Variants in IL1RAPL1 observed in about 807,000 individuals in gnomAD.
IL1RAPL1 encodes interleukin 1 receptor accessory protein like 1.
Under a neutral mutation model 48.4 loss-of-function variants are expected in IL1RAPL1, and 3 were observed. The ratio of observed to expected loss-of-function variants is 0.06; its 90% CI spans 0.03 to 0.16. IL1RAPL1 has a LOEUF of 0.16. IL1RAPL1 is among the 10% of genes least tolerant of loss of function. The pLI, the probability that IL1RAPL1 is intolerant of heterozygous loss-of-function variation, is 1.00. For missense variants in IL1RAPL1, 349 were observed against 530.6 expected (o/e 0.66, Z 3.36); for synonymous variants, 185 against 187.7 (o/e 0.99, Z 0.12).
rs191462651 is a variant in IL1RAPL1, at chrX:29,489,948, G to A, written c.703+90640G>A. Among the ~76,000 whole-genome samples the A allele has an allele frequency of 2.7e-5, 3 of 111,641 alleles. No homozygotes were observed. The East Asian group carries it at 8.4e-4, about 31-fold the overall frequency. On this transcript the variant is annotated intron_variant, in intron 5 of 10. Coordinates refer to ENST00000378993, the MANE Select transcript of IL1RAPL1 (RefSeq NM_014271.4). ...TATTACCTTTTTAGAGCTAACTTCT[G>A]TGACCAACACAGTTAAAGAAGTTCA... is the stretch of plus-strand genomic sequence containing the variant.
intron 6 of IL1RAPL1, among the ~76,000 whole-genome samples, chrX:29,790,090 T>C (rs1273032332): frequency 9.0e-6 from 1 of 111,484 alleles, no homozygotes; most frequent in East Asian, 2.8e-4. Flanking sequence ...TAAAGCAAAT[T>C]AGTGTCAACG....
intron 2 of IL1RAPL1, among the ~76,000 whole-genome samples, chrX:29,128,355 C>T (rs756718188): frequency 1.9e-4 from 21 of 111,235 alleles, no homozygotes; most frequent in South Asian, 7.7e-4. Flanking sequence ...TCACACCTCA[C>T]AGTCAGCTTT....
chrX:29,825,185 G>A (rs183455487), intron 6 of IL1RAPL1, among the ~76,000 whole-genome samples: 3 of 110,473 alleles, frequency 2.7e-5, no homozygotes, highest in East Asian at 5.7e-4. Flanking sequence ...TTAGTGAGCC[G>A]GGTACCCTGA....
chrX:29,300,475 C>A lies in IL1RAPL1; in HGVS notation c.362+17258C>A, dbSNP rs189953121. 4.3e-3 allele frequency among the ~76,000 whole-genome samples: 488 copies of A among 112,235 alleles called. 2 individuals are homozygous for A. The highest frequency in any genetic ancestry group is 0.015 in the African/African-American group (461 of 30,934). Reference sequence around the variant, plus strand: ...TTACTGTTTGAGAGTTTTTTTAGTGCAAACTATTTACCTCTTAGGCTAAAT... The same window carrying A: ...TTACTGTTTGAGAGTTTTTTTAGTGAAAACTATTTACCTCTTAGGCTAAAT... On this transcript the variant is annotated intron_variant, in intron 3 of 10. Transcript: ENST00000378993.
chrX:28,982,309 T>C lies in IL1RAPL1; in HGVS notation c.82+192884T>C, dbSNP rs1209515492. 2.7e-5 allele frequency among the ~76,000 whole-genome samples: 3 copies of C among 112,145 alleles called. No individual in the cohort carries two copies. In the South Asian group the frequency reaches 1.1e-3, roughly 41 times the overall value. On this transcript the variant is annotated intron_variant, in intron 2 of 10. Transcript: ENST00000378993. ...TTGCTGTAATCATCTGTGAGAAAGC[T>C]CCTCTGGAACCCACCAATGGGCACT...
intron 4 of IL1RAPL1, among the ~76,000 whole-genome samples, chrX:29,397,173 C>T (rs1013355628): frequency 8.9e-6 from 1 of 111,834 alleles, no homozygotes; most frequent in Non-Finnish European, 1.9e-5. Context: ...TGTGAACATT[C>T]TTCCAGAATA....
chrX:29,700,880 G>T (rs774407168), intron 6 of IL1RAPL1, among the ~76,000 whole-genome samples: 6 of 111,670 alleles, frequency 5.4e-5, no homozygotes, highest in Admixed American at 1.9e-4. Flanking sequence ...TTTTAAAATA[G>T]CTGAACTTTT....
chrX:29,459,780 G>A (rs1011804128), intron 5 of IL1RAPL1, among the ~76,000 whole-genome samples: 9 of 111,644 alleles, frequency 8.1e-5, no homozygotes, highest in African/African-American at 2.9e-4. Context: ...AACACATAAA[G>A]TCTACTCTAA....
At chrX:29,135,301 A>G (rs534243030) in intron 2 of IL1RAPL1, among the ~76,000 whole-genome samples, 3 of 112,061 alleles carry the variant, frequency 2.7e-5, no homozygotes, top group African/African-American at 9.7e-5. Context: ...GATGTAGTTT[A>G]ACATAATCTC....
intron 2 of IL1RAPL1, among the ~76,000 whole-genome samples, chrX:28,944,827 A>G (rs1461151231): frequency 1.8e-5 from 2 of 109,350 alleles, no homozygotes; most frequent in African/African-American, 3.3e-5. Flanking sequence ...ATGGTTTTCC[A>G]TCTTGCTCAA....
chrX:29,519,012 T>C (rs893522931), intron 5 of IL1RAPL1, among the ~76,000 whole-genome samples: 7 of 111,446 alleles, frequency 6.3e-5, no homozygotes, highest in Non-Finnish European at 1.1e-4. Context: ...TGTCTTAAAA[T>C]ATGCATATAC....
intron 2 of IL1RAPL1, among the ~76,000 whole-genome samples, chrX:29,049,201 T>G (rs1435552503): frequency 8.9e-6 from 1 of 112,299 alleles, no homozygotes; most frequent in African/African-American, 3.2e-5. Context: ...TCAGACCGTT[T>G]TATTGGCCTG....
At chrX:29,402,706 T>G (rs1317006063) in intron 5 of IL1RAPL1, among the ~76,000 whole-genome samples, 1 of 111,694 alleles carries the variant, frequency 9.0e-6, no homozygotes, top group South Asian at 3.7e-4. Flanking sequence ...TTGTTTCTGT[T>G]CCAGGATCCC....
intron 2 of IL1RAPL1, among the ~76,000 whole-genome samples, chrX:29,036,092 G>A (rs1926726342): frequency 8.9e-6 from 1 of 111,859 alleles, no homozygotes; most frequent in Non-Finnish European, 1.9e-5. Flanking sequence ...GAGAAGACTT[G>A]AGACAGAAGC....
intron 1 of IL1RAPL1, among the ~76,000 whole-genome samples, chrX:28,649,922 A>G (rs1029588800): frequency 1.8e-5 from 2 of 111,662 alleles, no homozygotes. Flanking sequence ...CTTAACCACA[A>G]GTTTCCCACG....
At chrX:29,872,075 C>T in intron 6 of IL1RAPL1, among the ~76,000 whole-genome samples, 1 of 111,620 alleles carries the variant, frequency 9.0e-6, no homozygotes. Flanking sequence ...TCCCTCCTTG[C>T]AAATTTGTTC....
chrX:29,677,320 G>A (rs1305374249), intron 6 of IL1RAPL1, among the ~76,000 whole-genome samples: 1 of 111,917 alleles, frequency 8.9e-6, no homozygotes, highest in African/African-American at 3.2e-5. Context: ...TATTCCCACA[G>A]ATTTGTGGGT....
At chrX:28,884,232 G>A (rs1922576406) in intron 2 of IL1RAPL1, among the ~76,000 whole-genome samples, 1 of 111,791 alleles carries the variant, frequency 8.9e-6, no homozygotes, top group African/African-American at 3.2e-5. Flanking sequence ...GTCAGAAATT[G>A]TCATCTAGAA....
At chrX:29,797,353 G>C (rs758852091) in intron 6 of IL1RAPL1, among the ~76,000 whole-genome samples, 1 of 112,015 alleles carries the variant, frequency 8.9e-6, no homozygotes, top group East Asian at 2.8e-4. Flanking sequence ...TTGGTATCTT[G>C]CTGACTTGGC....
Sources: gnomAD v4.1 joint callset for allele counts (sites outside exome capture counted in the v4.1 genomes callset) on GRCh38, gnomAD v4.1.1 for gene constraint, MANE v1.5 for transcripts, NCBI Gene and HGNC (gene_info 2026-07-23, HGNC 2026-07-21) for gene names.